The following SLC25A21 variants were observed in gnomAD, a reference collection of about 807,000 sequenced individuals.
SLC25A21 encodes mitochondrial 2-oxodicarboxylate carrier.
A neutral mutation model predicts 43.8 loss-of-function variants in SLC25A21; 47 were observed. That is an observed-to-expected ratio of 1.07 (90% CI 0.85 to 1.37). SLC25A21 has a LOEUF of 1.37. SLC25A21 is among the 40% of genes most tolerant of loss of function. The pLI, the probability that SLC25A21 is intolerant of heterozygous loss-of-function variation, is 0.00. For missense variants in SLC25A21, 352 were observed against 350.2 expected (o/e 1.00, Z -0.04); for synonymous variants, 131 against 121.3 (o/e 1.08, Z -0.52).
chr14:36,733,549 T>C (rs1017887915), intron 4 of SLC25A21, among the ~76,000 whole-genome samples: 3 of 152,230 alleles, frequency 2.0e-5, no homozygotes, highest in Non-Finnish European at 4.4e-5. Flanking sequence ...TGGGTGATTT[T>C]ATCATAATTT....
chr14:36,967,622 T>C (rs918780854), intron 1 of SLC25A21, among the ~76,000 whole-genome samples: 21 of 152,222 alleles, frequency 1.4e-4, no homozygotes, highest in Admixed American at 2.6e-4. Context: ...TAGCCTTGTA[T>C]CTTTATGCCT....
intron 6 of SLC25A21, among the ~76,000 whole-genome samples, chr14:36,717,651 A>G (rs1884200714): frequency 6.6e-6 from 1 of 152,260 alleles, no homozygotes; most frequent in Admixed American, 6.5e-5. Context: ...AAGACTGGCA[A>G]CAAAGAGGAG....
At chr14:36,908,307 G>T (rs1467099448) in intron 1 of SLC25A21, among the ~76,000 whole-genome samples, 1 of 152,148 alleles carries the variant, frequency 6.6e-6, no homozygotes, top group African/African-American at 2.4e-5. Context: ...GGGCATCTCT[G>T]CATGGGCCTC....
At chr14:37,098,738 TAGATAGATAGACAGACAGACAGACAGAC>T (rs1305580280) in intron 1 of SLC25A21, among the ~76,000 whole-genome samples, 2 of 8,176 alleles carry the variant, frequency 2.4e-4, no homozygotes, top group Non-Finnish European at 9.5e-4. Flanking sequence ...GATAGATAGA[TAGATAGATAGACAGACAGACAGACAGAC>T]AGACAGACAG....
intron 2 of SLC25A21, among the ~76,000 whole-genome samples, chr14:36,817,947 A>C (rs1888509484): frequency 6.6e-6 from 1 of 152,210 alleles, no homozygotes; most frequent in South Asian, 2.1e-4. Context: ...AATAGATAAT[A>C]TTTCCAATCT....
intron 5 of SLC25A21, among the ~76,000 whole-genome samples, chr14:36,728,417 T>A (rs1267884488): frequency 1.3e-5 from 2 of 152,182 alleles, no homozygotes; most frequent in African/African-American, 4.8e-5. Flanking sequence ...TTAATCCTCT[T>A]TTTTGCCAAG....
At chr14:37,155,231 G>A (rs752560954) in intron 1 of SLC25A21, among the ~76,000 whole-genome samples, 3 of 152,028 alleles carry the variant, frequency 2.0e-5, no homozygotes, top group Non-Finnish European at 4.4e-5. Context: ...CACCATGCCT[G>A]GCTAATTTTT....
intron 1 of SLC25A21, among the ~76,000 whole-genome samples, chr14:36,987,641 A>C (rs1374565400): frequency 1.3e-5 from 2 of 152,134 alleles, no homozygotes; most frequent in Non-Finnish European, 2.9e-5. Flanking sequence ...ATAATATTTC[A>C]TCATATGGTT....
At chr14:36,852,290 T>G (rs1594640941) in intron 2 of SLC25A21, among the ~76,000 whole-genome samples, 1 of 152,302 alleles carries the variant, frequency 6.6e-6, no homozygotes, top group African/African-American at 2.4e-5. Flanking sequence ...CTGGTAAGTT[T>G]ACTTTAGCCT....
At chr14:37,121,284 A>G (rs1333282638) in intron 1 of SLC25A21, among the ~76,000 whole-genome samples, 1 of 152,182 alleles carries the variant, frequency 6.6e-6, no homozygotes, top group African/African-American at 2.4e-5. Context: ...GGCCGATTAC[A>G]TGACAGGGCA....
intron 2 of SLC25A21, chr14:36,828,755 GCTCCCTC>G (rs2138475870): frequency 6.6e-6 from 1 of 152,438 alleles, no homozygotes; most frequent in South Asian, 2.1e-4. Context: ...CGTTCTTCCT[GCTCCCTC>G]ATCACACTGA....
At chr14:37,156,811 A>G (rs754182554) in intron 1 of SLC25A21, among the ~76,000 whole-genome samples, 1 of 152,222 alleles carries the variant, frequency 6.6e-6, no homozygotes, top group African/African-American at 2.4e-5. Flanking sequence ...AGAGAGAGAT[A>G]GACTCCAACA....
chr14:36,791,490 A>C (rs374510779), intron 3 of SLC25A21, among the ~76,000 whole-genome samples: 1 of 152,176 alleles, frequency 6.6e-6, no homozygotes, highest in East Asian at 1.9e-4. Context: ...AGCCATTTTA[A>C]ACAGAAAACT....
chr14:37,035,072 TA>T (rs1961299751), intron 1 of SLC25A21, among the ~76,000 whole-genome samples: 1 of 152,228 alleles, frequency 6.6e-6, no homozygotes, highest in Admixed American at 6.5e-5. Context: ...GACTGGGCTA[TA>T]AATTTTACAT....
At chr14:36,736,157 G>A (rs1338178974) in intron 3 of SLC25A21, among the ~76,000 whole-genome samples, 2 of 151,882 alleles carry the variant, frequency 1.3e-5, no homozygotes, top group Non-Finnish European at 1.5e-5. Context: ...GGATGGTCTC[G>A]ATCTCCTGAC....
chr14:37,161,528 A>T (rs1209318875), intron 1 of SLC25A21, among the ~76,000 whole-genome samples: 2 of 152,180 alleles, frequency 1.3e-5, no homozygotes, highest in Non-Finnish European at 2.9e-5. Context: ...AACTCCTGGT[A>T]CCTGTGAATG....
intron 3 of SLC25A21, among the ~76,000 whole-genome samples, chr14:36,769,284 T>A (rs1351257248): frequency 6.6e-6 from 1 of 152,226 alleles, no homozygotes; most frequent in African/African-American, 2.4e-5. Flanking sequence ...ACAATGACAA[T>A]TTTATTTTCT....
rs2138966612 is a variant in SLC25A21, at chr14:37,172,552, T to TTCGCAGCGCTC, written c.-213_-203dup. The TTCGCAGCGCTC allele has an allele frequency of 1.4e-6, 1 of 714,404 alleles. No individual in the cohort carries two copies. The highest frequency in any genetic ancestry group is 2.5e-6 in the Non-Finnish European group (1 of 393,922). 44.3% of individuals were successfully genotyped at this position (714,404 alleles called of 1,614,324 possible). On this transcript the variant is annotated 5_prime_UTR_variant, in exon 1 of 10. Transcript: ENST00000331299. Reference sequence around the variant, plus strand: ...GCGATCTCCGGCGCGTCGGAACCTGTTCGCAGCGCTCTCGCAGAGGCGCCC... The same window carrying TTCGCAGCGCTC: ...GCGATCTCCGGCGCGTCGGAACCTGTTCGCAGCGCTCTCGCAGCGCTCTCGCAGAGGCGCCC...
At chr14:37,114,787 GC>G (rs1212466176) in intron 1 of SLC25A21, among the ~76,000 whole-genome samples, 3 of 143,778 alleles carry the variant, frequency 2.1e-5, no homozygotes, top group African/African-American at 5.8e-5. Context: ...CATTTTTATG[GC>G]GGGGGGGGAA....
Sources: allele counts gnomAD v4.1 joint callset (sites outside exome capture counted in the v4.1 genomes callset), GRCh38; gene constraint gnomAD v4.1.1; transcripts MANE v1.5; gene names NCBI Gene and HGNC (gene_info 2026-07-23, HGNC 2026-07-21).